Variants in CDK15 observed in about 807,000 individuals in gnomAD.
The protein encoded by CDK15 is cyclin dependent kinase 15.
CDK15 carries 62 observed loss-of-function variants against 60.3 expected under a neutral mutation model. That is an observed-to-expected ratio of 1.03 (90% confidence interval 0.84 to 1.27). The LOEUF is 1.27. Among genes scored for constraint, CDK15 ranks in the 50% most tolerant of loss-of-function variants. CDK15 has a pLI of 0.00. For missense variants in CDK15, 541 were observed against 527.8 expected (o/e 1.03, Z -0.25); for synonymous variants, 194 against 195.7 (o/e 0.99, Z 0.07).
chr2:201,826,458 C>CAAAAAAAAAA lies in CDK15; in HGVS notation c.606+2745_606+2754dup, dbSNP rs373198183. ...TGGGCGACAGAGTGAGACTGCGTCTCAAAAAAAAAAAAAAAAAAAAAAAGT... is the reference window on the plus strand; with the variant it reads ...TGGGCGACAGAGTGAGACTGCGTCTCAAAAAAAAAAAAAAAAAAAAAAAAAAAAAAAAAGT... On this transcript the variant is annotated intron_variant, in intron 6 of 13. Coordinates refer to ENST00000652192, the MANE Select transcript of CDK15 (RefSeq NM_001366386.2). Among the ~76,000 whole-genome samples, 5 of 78,214 alleles carry CAAAAAAAAAA rather than the reference C, an allele frequency of 6.4e-5. 1 individual carries two copies. The highest frequency in any genetic ancestry group is 4.6e-4 in the East Asian group (1 of 2,182). The allele number at this position is 78,214 out of a possible 152,430, so 51.3% of individuals were successfully genotyped here.
Position 201,806,801 on chromosome 2 carries a change from A to G in CDK15, c.123+14A>G. 6.3e-7 allele frequency: 1 copy of G among 1,597,804 alleles called. No individual in the cohort carries two copies. Among genetic ancestry groups the G allele is most frequent in the Non-Finnish European group, 8.5e-7 (1 of 1,179,212 alleles). On this transcript the variant is annotated intron_variant, in intron 1 of 13. Transcript: ENST00000652192. The stretch of plus-strand genomic sequence containing the variant: ...GCTGCGTTCAAGGTATTTGTATCCC[A>G]GGAGAGAGCATCTTTCTCTATTGAT...
intron 4 of CDK15, among the ~76,000 whole-genome samples, chr2:201,813,343 C>G (rs1695856498): frequency 6.6e-6 from 1 of 152,196 alleles, no homozygotes. Flanking sequence ...AAGAAGCCAA[C>G]ATAGTGAAAT....
At chr2:201,822,097 G>C (rs7570940) in intron 4 of CDK15, among the ~76,000 whole-genome samples, 138,252 of 152,234 alleles carry the variant, frequency 0.91, 63,351 homozygotes, top group East Asian at 1. Flanking sequence ...TTGGCCTTTT[G>C]TGATGACTTC....
At chr2:201,823,531 A>G in intron 5 of CDK15, 134 bp from the exon 6 acceptor site, 1 of 772,662 alleles carries the variant, frequency 1.3e-6, no homozygotes, top group Non-Finnish European at 2.2e-6. Context: ...ACCTGGTTAT[A>G]TTCCTTTTGC....
chr2:201,830,187 T>G (rs949108386), intron 6 of CDK15, among the ~76,000 whole-genome samples: 8 of 152,130 alleles, frequency 5.3e-5, no homozygotes, highest in Non-Finnish European at 1.0e-4. Context: ...GCAATCCTCC[T>G]GCCTTGGCCT....
chr2:201,811,941 C>T (rs1040851057), intron 3 of CDK15, among the ~76,000 whole-genome samples: 8 of 151,892 alleles, frequency 5.3e-5, no homozygotes, highest in Admixed American at 2.0e-4. Flanking sequence ...GGGAGCCTGA[C>T]GTGGGCAGAT....
Position 201,894,071 on chromosome 2 carries a change from CACCA to C in CDK15, c.*805_*808del, listed in dbSNP as rs1471568381. 1 of 82,642 alleles carries C rather than the reference CACCA, an allele frequency of 1.2e-5. No homozygotes were observed. The highest frequency in any genetic ancestry group is 6.3e-5 in the African/African-American group (1 of 15,876). 5.1% of individuals were successfully genotyped at this position (82,642 alleles called of 1,614,324 possible). ...AGATGTAATTTAAGCCCTGTTGCAC[CACCA>C]CACACACACACACACACACACACAC... is the stretch of plus-strand genomic sequence containing the variant. On this transcript the variant is annotated 3_prime_UTR_variant, in exon 14 of 14. Coordinates refer to ENST00000652192, the MANE Select transcript of CDK15 (RefSeq NM_001366386.2).
chr2:201,823,007 G>C, intron 5 of CDK15, 104 bp downstream of exon 5: 1 of 737,938 alleles, frequency 1.4e-6, no homozygotes, highest in Non-Finnish European at 2.4e-6. Context: ...ATTATAATGT[G>C]AAAAGTATCA....
intron 3 of CDK15, among the ~76,000 whole-genome samples, chr2:201,812,184 A>AAC (rs1553520428): frequency 6.7e-6 from 1 of 148,638 alleles, no homozygotes; most frequent in Non-Finnish European, 1.5e-5. Context: ...AAAAAAAAAA[A>AAC]AAAAAAACAA....
chr2:201,851,236 G>T (rs1697891194), intron 9 of CDK15, among the ~76,000 whole-genome samples: 1 of 134,016 alleles, frequency 7.5e-6, no homozygotes, highest in Non-Finnish European at 1.5e-5. Context: ...AGGTTGCAGT[G>T]AGACGAGATC....
intron 6 of CDK15, among the ~76,000 whole-genome samples, chr2:201,828,264 C>T (rs915078758): frequency 3.3e-5 from 5 of 151,970 alleles, no homozygotes; most frequent in African/African-American, 1.2e-4. Context: ...GTGAGCTCGA[C>T]GTGTAGATCT....
chr2:201,843,341 C>G (rs1697487690), intron 8 of CDK15, among the ~76,000 whole-genome samples: 1 of 152,092 alleles, frequency 6.6e-6, no homozygotes. Context: ...AACACACCAC[C>G]ATACCCGGCT....
chr2:201,841,264 G>T (rs1361604101), intron 8 of CDK15, among the ~76,000 whole-genome samples: 2 of 152,160 alleles, frequency 1.3e-5, no homozygotes, highest in Non-Finnish European at 2.9e-5. Context: ...ATGAATAAGT[G>T]TTTCATGAAT....
At chr2:201,876,654 C>A in intron 11 of CDK15, 2 of 1,010,850 alleles carry the variant, frequency 2.0e-6, no homozygotes, top group Non-Finnish European at 2.7e-6. Flanking sequence ...CCACCAGAAG[C>A]CCTGAAACAA....
chr2:201,851,014 G>A (rs1224562994), intron 9 of CDK15, among the ~76,000 whole-genome samples: 5 of 152,132 alleles, frequency 3.3e-5, no homozygotes, highest in South Asian at 2.1e-4. Context: ...GAAATTGGCC[G>A]GGCGCAGTGG....
chr2:201,870,521 CAA>C (rs57674133), intron 10 of CDK15, among the ~76,000 whole-genome samples: 9 of 134,328 alleles, frequency 6.7e-5, no homozygotes, highest in African/African-American at 8.4e-5. Flanking sequence ...CCAGCCTGGA[CAA>C]AAAAAAAAAA....
intron 9 of CDK15, among the ~76,000 whole-genome samples, chr2:201,849,849 G>C (rs1011689198): frequency 6.6e-6 from 1 of 151,912 alleles, no homozygotes; most frequent in African/African-American, 2.4e-5. Context: ...TTTTGAGAAG[G>C]AGTCTTGCTC....
In CDK15 at chr2:201,807,542, A is replaced by G. The variant is rs1695566287; in HGVS notation, c.172A>G (p.Arg58Gly). ...ATGTTCCATGACTTCATTTCACCCC[A>G]GGGGACTTCAAGCTGCCCGTGCCCA... The part of the protein sequence containing the change: ...ASCSMTSFHP[R>G]GLQAARAQKF... The change falls in exon 2 of 14, where the codon AGG (arginine) becomes GGG (glycine). Residue 58 changes from arginine to glycine, a missense_variant. By Grantham distance (125) the Arg-to-Gly change is moderately radical (BLOSUM62 -2). Coordinates refer to ENST00000652192, the MANE Select transcript of CDK15 (RefSeq NM_001366386.2). 1 of 1,614,182 alleles carries G rather than the reference A, an allele frequency of 6.2e-7. No homozygotes were observed. The highest frequency in any genetic ancestry group is 8.5e-7 in the Non-Finnish European group (1 of 1,180,026).
At chr2:201,852,861 T>C (rs984215095) in intron 9 of CDK15, among the ~76,000 whole-genome samples, 2 of 152,250 alleles carry the variant, frequency 1.3e-5, no homozygotes, top group Non-Finnish European at 2.9e-5. Flanking sequence ...CTTAAAGCTT[T>C]GAACATAAGA....
Sources: gnomAD v4.1 joint callset for allele counts (sites outside exome capture counted in the v4.1 genomes callset) on GRCh38, gnomAD v4.1.1 for gene constraint, MANE v1.5 for transcripts, NCBI Gene and HGNC (gene_info 2026-07-23, HGNC 2026-07-21) for gene names.